Variants in FSAF1 observed in about 807,000 individuals in gnomAD.
The protein encoded by FSAF1 is 40S small subunit processome assembly factor 1, also known as uncharacterized protein C1orf131.
At chr1:231,237,879 T>A in the FSAF1 span, 2 of 152,162 alleles carry the variant, frequency 1.3e-5, no homozygotes, top group Non-Finnish European at 2.9e-5. Context: ...TTCTTGTGAA[T>A]AGATAAATTA....
chr1:231,234,174 T>C, the FSAF1 span, among the ~76,000 whole-genome samples: 2 of 152,222 alleles, frequency 1.3e-5, no homozygotes, highest in African/African-American at 2.4e-5. This position sits in a 1 kb window ranked among gnomAD's most constrained non-coding sequence, Gnocchi z 4.0. Context: ...GCGGCCTTCA[T>C]GTACCTCAGT....
At chr1:231,224,849 C>T in the FSAF1 span, 1 of 173,262 alleles carries the variant, frequency 5.8e-6, no homozygotes, top group Non-Finnish European at 1.2e-5. Context: ...TCCTCAAGGG[C>T]AGGGATATCT....
the FSAF1 span, among the ~76,000 whole-genome samples, chr1:231,230,516 T>A: frequency 6.6e-6 from 1 of 152,322 alleles, no homozygotes; most frequent in East Asian, 1.9e-4. Flanking sequence ...TCTCCTGCCC[T>A]ACCTGCCAAG....
the FSAF1 span, chr1:231,224,409 G>A: frequency 1.2e-6 from 2 of 1,602,114 alleles, no homozygotes; most frequent in South Asian, 1.1e-5. Context: ...CTTCTTTTTG[G>A]ATTTCCTACA....
the FSAF1 span, chr1:231,224,268 G>C: frequency 1.9e-6 from 3 of 1,604,500 alleles, no homozygotes; most frequent in African/African-American, 4.0e-5. Context: ...CGTTTTATTT[G>C]ACAAAGTACT....
the FSAF1 span, chr1:231,240,936 A>G: frequency 1.7e-6 from 2 of 1,200,282 alleles, no homozygotes; most frequent in African/African-American, 3.0e-5. This position sits in a 1 kb window ranked among gnomAD's most constrained non-coding sequence, Gnocchi z 4.1. Flanking sequence ...TTAGCCTCAA[A>G]GCAGAGGCCA....
the FSAF1 span, chr1:231,239,008 C>T: frequency 1.2e-6 from 2 of 1,613,978 alleles, no homozygotes; most frequent in Non-Finnish European, 1.7e-6. Context: ...AGAAGGAGCA[C>T]AATGCCGCTC....
At chr1:231,238,966 G>T in the FSAF1 span, 1 of 1,614,178 alleles carries the variant, frequency 6.2e-7, no homozygotes, top group Non-Finnish European at 8.5e-7. Flanking sequence ...AGGAACTGCA[G>T]CAGCAAGGAT....
At chr1:231,227,198 T>C in the FSAF1 span, 2 of 922,342 alleles carry the variant, frequency 2.2e-6, no homozygotes, top group Non-Finnish European at 3.4e-6. Context: ...ATAACTCCAC[T>C]GTCATGTGGT....
chr1:231,227,166 G>T, the FSAF1 span: 1 of 1,269,430 alleles, frequency 7.9e-7, no homozygotes, highest in African/African-American at 1.5e-5. Flanking sequence ...CCACCGCTCT[G>T]TAATGACAGC....
At chr1:231,237,308 T>C in the FSAF1 span, 2 of 152,232 alleles carry the variant, frequency 1.3e-5, no homozygotes, top group African/African-American at 4.8e-5. Context: ...TATACATTCA[T>C]AAAGAACAAT....
the FSAF1 span, chr1:231,239,011 T>A: frequency 7.4e-6 from 12 of 1,614,034 alleles, no homozygotes; most frequent in Non-Finnish European, 5.1e-6. Context: ...AGGAGCACAA[T>A]GCCGCTCTTC....
At chr1:231,225,323 C>G in the FSAF1 span, 1 of 719,336 alleles carries the variant, frequency 1.4e-6, no homozygotes, top group East Asian at 2.6e-5. Context: ...GGGCAGTTTA[C>G]TAAATCCTAC....
the FSAF1 span, chr1:231,225,931 A>G: frequency 5.5e-6 from 1 of 180,468 alleles, no homozygotes; most frequent in Non-Finnish European, 1.2e-5. Context: ...AGAAAGTGTA[A>G]CATCTATTCC....
the FSAF1 span, among the ~76,000 whole-genome samples, chr1:231,235,722 G>C: frequency 6.6e-6 from 1 of 152,144 alleles, no homozygotes; most frequent in Non-Finnish European, 1.5e-5. Context: ...AGGATGGCTT[G>C]GGCCCAGGAA....
At chr1:231,240,782 G>A in the FSAF1 span, among the ~76,000 whole-genome samples, 1 of 152,142 alleles carries the variant, frequency 6.6e-6, no homozygotes, top group South Asian at 2.1e-4. This position sits in a 1 kb window ranked among gnomAD's most constrained non-coding sequence, Gnocchi z 4.1. Context: ...CTACAAGCAA[G>A]TAGGATGGTC....
chr1:231,236,432 G>A, the FSAF1 span, among the ~76,000 whole-genome samples: 8 of 152,134 alleles, frequency 5.3e-5, no homozygotes, highest in Admixed American at 3.3e-4. Flanking sequence ...TTTTCATTAA[G>A]GTCAGGAAGT....
the FSAF1 span, chr1:231,229,050 T>G: frequency 1.4e-6 from 1 of 714,332 alleles, no homozygotes; most frequent in Non-Finnish European, 2.2e-6. Context: ...TTGCATGTTA[T>G]GTTATAAACT....
At chr1:231,224,273 A>T in the FSAF1 span, 1 of 1,606,548 alleles carries the variant, frequency 6.2e-7, no homozygotes, top group Non-Finnish European at 8.5e-7. Context: ...TATTTGACAA[A>T]GTACTTCATT....
Sources: allele counts gnomAD v4.1 joint callset (sites outside exome capture counted in the v4.1 genomes callset), GRCh38; gene constraint gnomAD v4.1.1; non-coding constraint Gnocchi (gnomAD v3.1); transcripts MANE v1.5; gene names NCBI Gene and HGNC (gene_info 2026-07-23, HGNC 2026-07-21).